The following TTC7A variants were observed in gnomAD, a reference collection of about 807,000 sequenced individuals.
TTC7A encodes tetratricopeptide repeat protein 7A.
A neutral mutation model predicts 103.7 loss-of-function variants in TTC7A; 110 were observed. The observed-to-expected ratio is 1.06, with a 90% CI of 0.91 to 1.24. The LOEUF is 1.24. TTC7A is among the 50% of genes most tolerant of loss of function. The pLI is 0.00. For synonymous variants in TTC7A, 521 were observed against 467.9 expected (o/e 1.11, Z -1.47); for missense variants, 1,340 against 1,116.3 (o/e 1.20, Z -2.86).
At chr2:47,056,948 G>A (rs1683373573) in intron 18 of TTC7A, among the ~76,000 whole-genome samples, 1 of 152,140 alleles carries the variant, frequency 6.6e-6, no homozygotes, top group Admixed American at 6.5e-5. Flanking sequence ...TGATGACCTC[G>A]ACAATGAAAA....
chr2:47,074,462 T>A lies in TTC7A; in HGVS notation c.*539T>A, dbSNP rs1435951035. 7.5e-6 allele frequency: 1 copy of A among 132,632 alleles called. No homozygotes were observed. The highest frequency in any genetic ancestry group is 3.1e-5 in the African/African-American group (1 of 32,730). 8.2% of individuals were successfully genotyped at this position (132,632 alleles called of 1,614,324 possible). The stretch of plus-strand genomic sequence containing the variant: ...AGACCAGCTGGGCCCCACCTTGCTC[T>A]TTCCCCCTGCTACCAAGTGCCTTTG... On this transcript the variant is annotated 3_prime_UTR_variant, in exon 20 of 20. Transcript: ENST00000319190.
At chr2:46,965,672 C>A (rs1488190274) in intron 3 of TTC7A, among the ~76,000 whole-genome samples, 1 of 151,676 alleles carries the variant, frequency 6.6e-6, no homozygotes, top group African/African-American at 2.4e-5. Flanking sequence ...AATGATTCTC[C>A]TGTCTCAGCC....
At chr2:47,068,143 A>T (rs1374797929) in intron 19 of TTC7A, 1 of 152,024 alleles carries the variant, frequency 6.6e-6, no homozygotes, top group Non-Finnish European at 1.5e-5. Flanking sequence ...GGAGGCCCTG[A>T]CCTACCGCCA....
chr2:47,060,722 C>T (rs1296424022), intron 18 of TTC7A, 47 bp from the exon 19 acceptor site: 2 of 1,548,406 alleles, frequency 1.3e-6, no homozygotes, highest in African/African-American at 2.7e-5. Flanking sequence ...CAGGATGCCT[C>T]TGACTCCCCA....
Position 47,029,278 on chromosome 2 carries a change from G to GCC in TTC7A, c.1698_1699dup (p.His567ProfsTer37), listed in dbSNP as rs1327481855. On this transcript the variant is annotated frameshift_variant, in exon 15 of 20. Coordinates refer to ENST00000319190, the MANE Select transcript of TTC7A (RefSeq NM_020458.4). LOFTEE classifies it high-confidence loss of function. ...GGCCCTGAAGGTACGCAAGGATGAT[G>GCC]CCCACGCCCTCCACCTGCTGGCACT... The GCC allele has an allele frequency of 6.2e-7, 1 of 1,614,060 alleles. No individual in the cohort carries two copies. Among genetic ancestry groups the GCC allele is most frequent in the Admixed American group, 1.7e-5 (1 of 60,030 alleles).
intron 11 of TTC7A, among the ~76,000 whole-genome samples, chr2:47,011,847 G>T (rs1186947599): frequency 1.3e-5 from 2 of 152,258 alleles, no homozygotes; most frequent in Non-Finnish European, 2.9e-5. Flanking sequence ...GCTGCTCTTG[G>T]CGGAATGGGA....
chr2:47,046,215 T>C (rs1682298621), intron 15 of TTC7A, 100 bp from the exon 16 acceptor site: 2 of 851,332 alleles, frequency 2.3e-6, no homozygotes, highest in Non-Finnish European at 4.0e-6. Context: ...TTCTGCGAGT[T>C]AGGGAGGTGA....
chr2:47,006,991 T>A (rs1400876010), intron 10 of TTC7A, among the ~76,000 whole-genome samples: 1 of 152,150 alleles, frequency 6.6e-6, no homozygotes, highest in African/African-American at 2.4e-5. Flanking sequence ...GAGCACTGTA[T>A]CCTCTGTGCT....
In TTC7A at chr2:46,941,694, C is replaced by T. The variant is rs1489770738; in HGVS notation, c.153C>T (p.Ser51=). The change falls in exon 1 of 20, where the codon AGC becomes AGT. Residue 51 remains serine (S), a synonymous_variant. Coordinates refer to ENST00000319190, the MANE Select transcript of TTC7A (RefSeq NM_020458.4). This position sits in a 1 kb window ranked among gnomAD's most constrained non-coding sequence, Gnocchi z 4.2. ...MPGGGGNRRG[S]PSAAFTFPDT... is the part of the protein sequence containing the mutation. ...GCGGCGGAGGTAACAGGCGAGGCAG[C>T]CCGAGCGCAGCGTTCACCTTTCCGG... 6.4e-7 allele frequency: 1 copy of T among 1,550,948 alleles called. No individual in the cohort carries two copies. The highest frequency in any genetic ancestry group is 2.4e-5 in the East Asian group (1 of 41,080).
intron 4 of TTC7A, 42 bp downstream of exon 4, chr2:46,975,145 G>T: frequency 6.2e-7 from 1 of 1,608,546 alleles, no homozygotes; most frequent in South Asian, 1.1e-5. Context: ...GCTCTCTATT[G>T]AGCACCTATG....
chr2:47,029,387 G>A lies in TTC7A; in HGVS notation c.1802+3G>A. The A allele has an allele frequency of 6.2e-7, 1 of 1,613,538 alleles. No individual in the cohort carries two copies. The highest frequency in any genetic ancestry group is 8.5e-7 in the Non-Finnish European group (1 of 1,180,002). On this transcript the variant is annotated splice_donor_region_variant and intron_variant, in intron 15 of 19. Coordinates refer to ENST00000319190, the MANE Select transcript of TTC7A (RefSeq NM_020458.4). Reference sequence around the variant, plus strand: ...ACCGAGCACCCTGAGAACTTCAAGTGAGTGCCCTGGGAACACTCTGGCAGT... The same window carrying A: ...ACCGAGCACCCTGAGAACTTCAAGTAAGTGCCCTGGGAACACTCTGGCAGT...
Position 46,956,820 on chromosome 2 carries a change from C to T in TTC7A, c.349-19C>T, listed in dbSNP as rs1447835115. 1 of 1,613,614 alleles carries T rather than the reference C, an allele frequency of 6.2e-7. No homozygotes were observed. Among genetic ancestry groups the T allele is most frequent in the Non-Finnish European group, 8.5e-7 (1 of 1,179,558 alleles). On this transcript the variant is annotated intron_variant, in intron 2 of 19. Transcript: ENST00000319190. ...GTAACTTTGGGGCAGGCGCTGGTAA[C>T]ATGTCCTTGTCATTTCAGCCACAGT...
intron 17 of TTC7A, chr2:47,050,967 A>G (rs1332246064): frequency 6.6e-6 from 1 of 152,182 alleles, no homozygotes; most frequent in Non-Finnish European, 1.5e-5. Context: ...AAGTGCTCAC[A>G]TTTCACCTGC....
intron 8 of TTC7A, among the ~76,000 whole-genome samples, chr2:47,003,965 C>T (rs904858703): frequency 6.6e-6 from 1 of 152,208 alleles, no homozygotes; most frequent in Admixed American, 6.5e-5. Flanking sequence ...CCAACCCTCT[C>T]CCTAGAATTT....
intron 2 of TTC7A, among the ~76,000 whole-genome samples, chr2:46,954,496 T>A (rs1558504015): frequency 2.0e-5 from 3 of 151,866 alleles, no homozygotes; most frequent in Non-Finnish European, 4.4e-5. Context: ...CTTCTGCTCT[T>A]ACTGTGCTAT....
At chr2:47,022,579 G>C (rs984896900) in intron 12 of TTC7A, among the ~76,000 whole-genome samples, 2 of 152,086 alleles carry the variant, frequency 1.3e-5, no homozygotes, top group Non-Finnish European at 2.9e-5. Context: ...CTTTGATCTT[G>C]TAGCTTGAGG....
rs562218160 is a variant in TTC7A at position 46,991,063 on chromosome 2, C to T, written c.765-2387C>T. 2.2e-4 allele frequency among the ~76,000 whole-genome samples: 33 copies of T among 152,270 alleles called. No individual in the cohort carries two copies. The South Asian group carries it at 2.3e-3, about 11-fold the overall frequency. On this transcript the variant is annotated intron_variant, in intron 5 of 19. Transcript: ENST00000319190. ...GAATAGCTGGGACTACAGGCACGGGCGCCACCACAGCCTAGTTAATTTTTG... is the reference window on the plus strand; with the variant it reads ...GAATAGCTGGGACTACAGGCACGGGTGCCACCACAGCCTAGTTAATTTTTG...
chr2:47,042,289 C>T (rs150325180), intron 15 of TTC7A, among the ~76,000 whole-genome samples: 1,529 of 152,128 alleles, frequency 0.01, 31 homozygotes, highest in African/African-American at 0.035. Context: ...ATCATTTGAG[C>T]CCAGGAGTTT....
intron 12 of TTC7A, among the ~76,000 whole-genome samples, chr2:47,022,817 C>G (rs1346747485): frequency 6.6e-6 from 1 of 152,206 alleles, no homozygotes; most frequent in Non-Finnish European, 1.5e-5. Context: ...CCTTTTAACT[C>G]TACAAATAGC....
Sources: gnomAD v4.1 joint callset for allele counts (sites outside exome capture counted in the v4.1 genomes callset) on GRCh38, gnomAD v4.1.1 for gene constraint, Gnocchi (gnomAD v3.1) non-coding constraint, MANE v1.5 for transcripts, NCBI Gene and HGNC (gene_info 2026-07-23, HGNC 2026-07-21) for gene names.